NBAS: variants seen among roughly 807,000 people sequenced by gnomAD.
NBAS encodes NAG/BC035112 fusion.
NBAS carries 219 observed loss-of-function variants against 302.5 expected under a neutral mutation model. The ratio of observed to expected loss-of-function variants is 0.72; its 90% confidence interval spans 0.65 to 0.81. NBAS has a LOEUF of 0.81. Among genes scored for constraint, NBAS ranks in the 30% least tolerant of loss-of-function variants. The pLI is 0.00. For missense variants in NBAS, 2,932 were observed against 2,841.6 expected (o/e 1.03, Z -0.72); for synonymous variants, 1,118 against 1,021.6 (o/e 1.09, Z -1.80).
chr2:15,219,044 C>CA, intron 47 of NBAS, 76 bp from the exon 48 acceptor site: 5 of 1,543,538 alleles, frequency 3.2e-6, no homozygotes, highest in Non-Finnish European at 4.4e-6. Context: ...CAAATGTGGT[C>CA]ACTGACCTAA....
At chr2:15,124,331 C>T in the NBAS span, among the ~76,000 whole-genome samples, 1 of 152,164 alleles carries the variant, frequency 6.6e-6, no homozygotes, top group African/African-American at 2.4e-5. Context: ...TTGCTTCTAA[C>T]AGCCTACAAT....
chr2:15,298,070 G>A (rs1411212674), intron 40 of NBAS, among the ~76,000 whole-genome samples: 1 of 152,082 alleles, frequency 6.6e-6, no homozygotes, highest in East Asian at 1.9e-4. Flanking sequence ...GCTGGGCACG[G>A]ATGCTTGTGC....
chr2:15,166,055 CA>C (rs556925044), downstream of NBAS, among the ~76,000 whole-genome samples: 301 of 152,278 alleles, frequency 2.0e-3, 1 homozygote, highest in African/African-American at 6.5e-3. Flanking sequence ...GTGTGAGTCT[CA>C]GGGGGGGCGA....
intron 45 of NBAS, among the ~76,000 whole-genome samples, chr2:15,238,082 A>T (rs956782036): frequency 1.3e-5 from 2 of 151,830 alleles, no homozygotes; most frequent in Non-Finnish European, 2.9e-5. Flanking sequence ...GCCTATTTTT[A>T]TTTTTATTTG....
chr2:14,906,015 G>T, the NBAS span, among the ~76,000 whole-genome samples: 1 of 152,144 alleles, frequency 6.6e-6, no homozygotes, highest in South Asian at 2.1e-4. Context: ...CAAGGGCAAG[G>T]AATATTCCTA....
At chr2:15,376,210 A>G (rs565742400) in intron 30 of NBAS, among the ~76,000 whole-genome samples, 7 of 152,280 alleles carry the variant, frequency 4.6e-5, no homozygotes, top group Admixed American at 2.0e-4. Context: ...CCTGCATTCA[A>G]TATAACTGTG....
chr2:15,330,839 C>G (rs1285561390), intron 35 of NBAS, 74 bp from the exon 36 acceptor site: 1 of 1,477,014 alleles, frequency 6.8e-7, no homozygotes, highest in African/African-American at 1.4e-5. Flanking sequence ...GATAATGTGA[C>G]TGCTTAAAAT....
chr2:15,404,105 C>T (rs1055608178), intron 25 of NBAS, among the ~76,000 whole-genome samples: 4 of 151,988 alleles, frequency 2.6e-5, no homozygotes, highest in Admixed American at 6.6e-5. Flanking sequence ...ATTCATAAAT[C>T]GTCATAACAA....
At chr2:15,063,989 C>G in the NBAS span, among the ~76,000 whole-genome samples, 1 of 152,108 alleles carries the variant, frequency 6.6e-6, no homozygotes, top group Non-Finnish European at 1.5e-5. Context: ...GAAGGGGAAG[C>G]TGGGACACAG....
chr2:14,953,440 G>C, the NBAS span, among the ~76,000 whole-genome samples: 5 of 152,232 alleles, frequency 3.3e-5, no homozygotes, highest in Non-Finnish European at 1.5e-5. Context: ...CAAAGCAAAC[G>C]TCTCAGCAGC....
chr2:15,108,520 T>C, the NBAS span, among the ~76,000 whole-genome samples: 1 of 152,252 alleles, frequency 6.6e-6, no homozygotes, highest in African/African-American at 2.4e-5. Context: ...AAAAGTTACT[T>C]ATATTCTTCA....
chr2:14,933,027 TG>T, the NBAS span, among the ~76,000 whole-genome samples: 1 of 152,248 alleles, frequency 6.6e-6, no homozygotes, highest in African/African-American at 2.4e-5. Context: ...GCTTTATTCC[TG>T]GCTTATCATA....
chr2:14,991,231 AC>A, the NBAS span, among the ~76,000 whole-genome samples: 4 of 151,708 alleles, frequency 2.6e-5, no homozygotes, highest in Non-Finnish European at 5.9e-5. Context: ...CTAACCAACA[AC>A]CCTTTCTCCA....
At chr2:15,308,399 G>A (rs761086854) in intron 39 of NBAS, 46 bp from the exon 40 acceptor site, 46 of 1,600,400 alleles carry the variant, frequency 2.9e-5, no homozygotes, top group Admixed American at 8.6e-5. Flanking sequence ...AGGAAATTAT[G>A]AAGATCATTA....
the NBAS span, among the ~76,000 whole-genome samples, chr2:14,942,843 T>C: frequency 3.3e-5 from 5 of 152,152 alleles, no homozygotes; most frequent in African/African-American, 7.2e-5. Context: ...CTTTCACCTA[T>C]GCTTAAAGTA....
chr2:15,190,346 G>C lies in NBAS; in HGVS notation c.6490C>G (p.Leu2164Val), dbSNP rs746510000. ...TCAGCCTCGTGGTGACTAGATTCCA[G>C]GAGTTCCATGAATAGACAGTAGCGG... is the stretch of plus-strand genomic sequence containing the variant. Reference protein sequence around the residue: ...ENRYCLFMELLESSHHEAEFQ... With the variant: ...ENRYCLFMELVESSHHEAEFQ... The change falls in exon 49 of 52, where the codon CTG (leucine) becomes GTG (valine). Residue 2164 changes from leucine to valine, a missense_variant. By Grantham distance (32) the Leu-to-Val change is conservative. Coordinates refer to ENST00000281513, the MANE Select transcript of NBAS (RefSeq NM_015909.4). The C allele has an allele frequency of 6.2e-7, 1 of 1,613,990 alleles. No individual in the cohort carries two copies. The highest frequency in any genetic ancestry group is 1.3e-5 in the African/African-American group (1 of 75,030).
At chr2:14,829,719 C>T in the NBAS span, among the ~76,000 whole-genome samples, 1 of 152,192 alleles carries the variant, frequency 6.6e-6, no homozygotes, top group Non-Finnish European at 1.5e-5. Context: ...AAGGCTACTC[C>T]TGAGCTGGCA....
intron 48 of NBAS, among the ~76,000 whole-genome samples, chr2:15,211,400 TTTG>T (rs1453922931): frequency 1.3e-5 from 2 of 152,238 alleles, no homozygotes; most frequent in Non-Finnish European, 2.9e-5. Context: ...ACAATGTAGC[TTTG>T]TTATCTTAGA....
At chr2:14,941,666 C>T in the NBAS span, among the ~76,000 whole-genome samples, 1 of 152,204 alleles carries the variant, frequency 6.6e-6, no homozygotes, top group Non-Finnish European at 1.5e-5. Flanking sequence ...GGACTACACT[C>T]AATTAGGAGA....
Sources: gnomAD v4.1 joint callset for allele counts (sites outside exome capture counted in the v4.1 genomes callset) on GRCh38, gnomAD v4.1.1 for gene constraint, MANE v1.5 for transcripts, NCBI Gene and HGNC (gene_info 2026-07-23, HGNC 2026-07-21) for gene names.